The following CILK1 variants were observed in gnomAD, a reference collection of about 807,000 sequenced individuals.
The protein encoded by CILK1 is ciliogenesis associated kinase 1, also known as serine/threonine-protein kinase ICK.
Under a neutral mutation model 79.2 loss-of-function variants are expected in CILK1, and 47 were observed. The observed-to-expected ratio is 0.59, with a 90% CI of 0.47 to 0.76. The LOEUF (loss-of-function observed/expected upper bound fraction) is 0.76. CILK1 is among the 30% of genes least tolerant of loss of function. The probability of loss-of-function intolerance (pLI) is 0.00; values close to 1 mark genes in which losing one functional copy is unlikely to be tolerated. For missense variants in CILK1, 660 were observed against 769.5 expected, an observed-to-expected ratio of 0.86 and a Z score of 1.68; for synonymous variants, 266 against 275.9, an observed-to-expected ratio of 0.96 and a Z score of 0.36.
At chr6:53,013,312 A>C (rs1466802873) in intron 9 of CILK1, among the ~76,000 whole-genome samples, 3 of 152,238 alleles carry the variant, frequency 2.0e-5, no homozygotes, top group Non-Finnish European at 4.4e-5. Flanking sequence ...TCCTTATTTT[A>C]CAGATGAGGA....
chr6:53,031,737 C>T (rs1016819790), intron 4 of CILK1, among the ~76,000 whole-genome samples: 3 of 152,198 alleles, frequency 2.0e-5, no homozygotes, highest in African/African-American at 7.2e-5. Context: ...ATCCAGGAAG[C>T]TGTGTCCACC....
rs1763934090 is a variant in CILK1, at chr6:53,001,319, A to T, written c.*3830T>A. On this transcript the variant is annotated 3_prime_UTR_variant, in exon 14 of 14. Coordinates refer to ENST00000676107, the MANE Select transcript of CILK1 (RefSeq NM_014920.5). ...TCAAATCAATTTTTCTTAAACTTCA[A>T]CTTTATTTGGACCAGGAAATTTTTC... 6.6e-6 allele frequency: 1 copy of T among 152,182 alleles called. No individual in the cohort carries two copies. Among genetic ancestry groups the T allele is most frequent in the South Asian group, 2.1e-4 (1 of 4,830 alleles). The allele number at this position is 152,182 out of a possible 1,614,324, so 9.4% of individuals were successfully genotyped here.
rs763768040 is a variant in CILK1 at position 53,041,231 on chromosome 6, A to G, written c.6T>C (p.Asn2=). 21 of 1,612,260 alleles carry G rather than the reference A, an allele frequency of 1.3e-5. No homozygotes were observed. The highest frequency in any genetic ancestry group is 1.8e-5 in the Non-Finnish European group (21 of 1,178,586). The part of the protein sequence containing the change: M[N]RYTTIRQLGD... ...CGAGCTGCCTGATTGTTGTGTATCT[A>G]TTCATGGTGTGCCTGCTCAGGCCGG... Residue 2 remains asparagine (N), a synonymous_variant, in exon 2 of 14, where the codon AAT becomes AAC. Transcript: ENST00000676107.
intron 12 of CILK1, 82 bp downstream of exon 12, chr6:53,009,357 C>T (rs1481614548): frequency 3.6e-6 from 5 of 1,374,218 alleles, no homozygotes; most frequent in East Asian, 4.6e-5. Flanking sequence ...TTCCAAAGCC[C>T]GTCCCATGAC....
At chr6:53,046,095 A>G (rs1209296678) in intron 1 of CILK1, among the ~76,000 whole-genome samples, 1 of 152,238 alleles carries the variant, frequency 6.6e-6, no homozygotes, top group Non-Finnish European at 1.5e-5. Flanking sequence ...TGCACATGAA[A>G]TGAGTAATCA....
chr6:53,052,588 A>T lies in CILK1; in HGVS notation c.-173+9008T>A, dbSNP rs222448. 4.0e-3 allele frequency among the ~76,000 whole-genome samples: 606 copies of T among 152,038 alleles called. 2 individuals are homozygous for T. Among genetic ancestry groups the T allele is most frequent in the Non-Finnish European group, 7.0e-3 (479 of 67,980 alleles). ...TCTACTAAAAATACAAAAATTAACC[A>T]GGCGTGGTGGTGTATGCCTGTAATC... On this transcript the variant is annotated intron_variant, in intron 1 of 13. Transcript: ENST00000676107.
rs767290561 is a variant in CILK1, at chr6:53,012,167, A to T, written c.1213T>A (p.Trp405Arg). The T allele has an allele frequency of 2.5e-6, 4 of 1,613,990 alleles. No homozygotes were observed. The highest frequency in any genetic ancestry group is 3.4e-6 in the Non-Finnish European group (4 of 1,179,974). ...TTTGTTGACCTGGAAATAAGACCCC[A>T]CCTTCTCCTACTCTTTGGCTTTATC... ...GEIKPKSRRR[W>R]GLISRSTKDS... The change falls in exon 10 of 14, where the codon TGG (tryptophan) becomes AGG (arginine). Residue 405 changes from tryptophan (W) to arginine (R), a missense_variant. Transcript: ENST00000676107.
intron 2 of CILK1, among the ~76,000 whole-genome samples, chr6:53,038,996 G>T (rs76685626): frequency 0.03 from 4,603 of 152,330 alleles, 398 homozygotes; most frequent in South Asian, 0.27. Context: ...AACAGAAACA[G>T]AGAAGGTACA....
At chr6:53,042,928 T>C (rs1766809869) in intron 1 of CILK1, among the ~76,000 whole-genome samples, 1 of 152,214 alleles carries the variant, frequency 6.6e-6, no homozygotes, top group Non-Finnish European at 1.5e-5. Context: ...TTATGTAAGA[T>C]ATTAATATTA....
chr6:53,035,622 GA>G (rs1766280292), intron 3 of CILK1, among the ~76,000 whole-genome samples: 1 of 152,166 alleles, frequency 6.6e-6, no homozygotes, highest in African/African-American at 2.4e-5. Flanking sequence ...TTCATGGGCA[GA>G]CATGCAAATG....
At chr6:53,038,602 A>C (rs1392478564) in intron 2 of CILK1, among the ~76,000 whole-genome samples, 2 of 152,184 alleles carry the variant, frequency 1.3e-5, no homozygotes, top group African/African-American at 2.4e-5. Context: ...TTACCTTTTT[A>C]AATTGGGGGA....
intron 4 of CILK1, among the ~76,000 whole-genome samples, chr6:53,032,008 T>G (rs1190876294): frequency 6.6e-6 from 1 of 152,192 alleles, no homozygotes; most frequent in Non-Finnish European, 1.5e-5. Flanking sequence ...TAATTTTGTA[T>G]TTTTAGTAGA....
chr6:53,038,028 T>C, intron 2 of CILK1, 35 bp from the exon 3 acceptor site: 2 of 1,392,212 alleles, frequency 1.4e-6, no homozygotes, highest in Non-Finnish European at 2.0e-6. Flanking sequence ...AGCACACTTA[T>C]TCTCAGTAAT....
At chr6:53,037,072 G>A (rs1418051719) in intron 3 of CILK1, among the ~76,000 whole-genome samples, 1 of 152,124 alleles carries the variant, frequency 6.6e-6, no homozygotes, top group African/African-American at 2.4e-5. Context: ...CCATGTACAG[G>A]ACCCCTTTGG....
At chr6:53,056,249 G>C (rs997085461) in intron 1 of CILK1, among the ~76,000 whole-genome samples, 1 of 152,154 alleles carries the variant, frequency 6.6e-6, no homozygotes, top group Admixed American at 6.5e-5. Context: ...AAGATGCTTT[G>C]CTAGCATGTA....
chr6:53,006,814 T>C (rs1055244285), intron 12 of CILK1, among the ~76,000 whole-genome samples: 2 of 152,250 alleles, frequency 1.3e-5, no homozygotes, highest in African/African-American at 4.8e-5. Context: ...TGAGTACATA[T>C]AAATTCTAGA....
chr6:53,016,401 G>T, intron 7 of CILK1, 151 bp from the exon 8 acceptor site: 3 of 718,586 alleles, frequency 4.2e-6, no homozygotes, highest in East Asian at 2.7e-5. Flanking sequence ...GGCACTGTAT[G>T]GAATGAGACA....
chr6:53,032,437 G>GA (rs1286818719), intron 4 of CILK1, 96 bp downstream of exon 4: 2 of 670,922 alleles, frequency 3.0e-6, no homozygotes, highest in African/African-American at 1.9e-5. Flanking sequence ...AATAAAAAAA[G>GA]AAAAAAAGGA....
Position 53,011,797 on chromosome 6 carries a change from G to A in CILK1, c.1464C>T (p.His488=). ...GCAAGTATCGAGAGTGCTTCAAATA[G>A]TGCTGCTTGGCTGCAGATCTCAGGG... The part of the protein sequence containing the change: ...TPTLRSAAKQ[H]YLKHSRYLPG... The change falls in exon 11 of 14, where the codon CAC becomes CAT. Residue 488 remains histidine, a synonymous_variant. Coordinates refer to ENST00000676107, the MANE Select transcript of CILK1 (RefSeq NM_014920.5). The A allele has an allele frequency of 6.2e-7, 1 of 1,614,134 alleles. No homozygotes were observed. The highest frequency in any genetic ancestry group is 1.1e-5 in the South Asian group (1 of 91,086).
Sources: allele counts gnomAD v4.1 joint callset (sites outside exome capture counted in the v4.1 genomes callset), GRCh38; gene constraint gnomAD v4.1.1; transcripts MANE v1.5; gene names NCBI Gene and HGNC (gene_info 2026-07-23, HGNC 2026-07-21).